USP47: variants seen among roughly 807,000 people sequenced by gnomAD.
USP47 encodes ubiquitin specific peptidase 47.
USP47 carries 35 observed loss-of-function variants against 165.1 expected under a neutral mutation model. The observed-to-expected ratio is 0.21, with a 90% CI of 0.16 to 0.28. The LOEUF (loss-of-function observed/expected upper bound fraction) is 0.28, where lower values mean the gene tolerates loss of function less well. Among genes scored for constraint, USP47 ranks in the 10% least tolerant of loss-of-function variants. The pLI, the probability that USP47 is intolerant of heterozygous loss-of-function variation, is 1.00. For missense variants in USP47, 1,277 were observed against 1,607.4 expected (o/e 0.79, Z 3.52); for synonymous variants, 531 against 544.5 (o/e 0.98, Z 0.35).
At chr11:11,904,258 A>G (rs2134459465) in intron 7 of USP47, among the ~76,000 whole-genome samples, 1 of 152,314 alleles carries the variant, frequency 6.6e-6, no homozygotes, top group East Asian at 1.9e-4. Context: ...TCCTAGGTGA[A>G]GAAGACAATC....
intron 23 of USP47, 85 bp from the exon 24 acceptor site, chr11:11,950,279 T>G: frequency 1.1e-6 from 1 of 950,200 alleles, no homozygotes; most frequent in Non-Finnish European, 1.6e-6. Flanking sequence ...ACATAGTTCA[T>G]TTTTCTTTGG....
At chr11:11,894,179 G>A (rs938497720) in intron 4 of USP47, among the ~76,000 whole-genome samples, 5 of 152,002 alleles carry the variant, frequency 3.3e-5, no homozygotes, top group Non-Finnish European at 7.4e-5. Context: ...GGTTCCAGCC[G>A]GGCACAGTGG....
intron 1 of USP47, among the ~76,000 whole-genome samples, chr11:11,846,039 A>G (rs950216475): frequency 6.6e-6 from 1 of 152,180 alleles, no homozygotes; most frequent in Non-Finnish European, 1.5e-5. Flanking sequence ...TCTTTTGGAC[A>G]TAATCTGGGG....
chr11:11,950,230 C>G, intron 23 of USP47, 134 bp from the exon 24 acceptor site: 1 of 729,646 alleles, frequency 1.4e-6, no homozygotes, highest in South Asian at 2.2e-5. Flanking sequence ...CTTTATTTCC[C>G]CAGATTTTAA....
Position 11,942,452 on chromosome 11 carries a change from C to A in USP47, c.2431C>A (p.Gln811Lys). The A allele has an allele frequency of 6.2e-7, 1 of 1,613,588 alleles. No individual in the cohort carries two copies. Among genetic ancestry groups the A allele is most frequent in the Non-Finnish European group, 8.5e-7 (1 of 1,179,714 alleles). Residue 811 changes from glutamine to lysine, a missense_variant, in exon 20 of 28, where the codon CAA (glutamine) becomes AAA (lysine). Around this residue, in one of 4 missense-constraint regions of USP47, gnomAD observed 909 missense variants for 1,068.1 expected, o/e 0.85. Transcript: ENST00000527733. ...TIRLFVLLPE[Q>K]SPVSYSKRTA... The stretch of plus-strand genomic sequence containing the variant: ...CAGATTATTTGTTTTGCTACCTGAA[C>A]AATCCCCAGTATCTTATTCCAAAAG...
intron 3 of USP47, among the ~76,000 whole-genome samples, chr11:11,887,818 A>G (rs1389400373): frequency 6.6e-6 from 1 of 152,178 alleles, no homozygotes; most frequent in Non-Finnish European, 1.5e-5. Flanking sequence ...CTGATCACAT[A>G]ATCAGAAGTA....
At chr11:11,888,223 A>G (rs1410767522) in intron 3 of USP47, among the ~76,000 whole-genome samples, 1 of 151,946 alleles carries the variant, frequency 6.6e-6, no homozygotes, top group Non-Finnish European at 1.5e-5. Context: ...CAGCACAGAA[A>G]TGAAGGAGAT....
chr11:11,913,939 T>C (rs1305068769), intron 8 of USP47, among the ~76,000 whole-genome samples: 1 of 152,076 alleles, frequency 6.6e-6, no homozygotes. Flanking sequence ...ACTGTACTTA[T>C]TAATTGGAAG....
intron 1 of USP47, among the ~76,000 whole-genome samples, chr11:11,871,539 G>A (rs199811693): frequency 0.12 from 7,437 of 64,640 alleles, 148 homozygotes; most frequent in Middle Eastern, 0.32. Context: ...AAAAAAAAAA[G>A]AATTCTGGTT....
At chr11:11,880,941 TAAA>T (rs1288446178) in intron 2 of USP47, among the ~76,000 whole-genome samples, 1 of 152,158 alleles carries the variant, frequency 6.6e-6, no homozygotes, top group Non-Finnish European at 1.5e-5. Flanking sequence ...CTCTTAAGCT[TAAA>T]AACATTTTTA....
At chr11:11,898,703 ATTAGAGT>A (rs1272688447) in intron 5 of USP47, among the ~76,000 whole-genome samples, 1 of 152,222 alleles carries the variant, frequency 6.6e-6, no homozygotes, top group Non-Finnish European at 1.5e-5. Context: ...GCCAAATACC[ATTAGAGT>A]TTAAAGAGAA....
At chr11:11,905,015 ATAGGT>A (rs1413416643) in intron 7 of USP47, among the ~76,000 whole-genome samples, 2 of 151,974 alleles carry the variant, frequency 1.3e-5, no homozygotes, top group Non-Finnish European at 2.9e-5. Flanking sequence ...GCTTAAAGTG[ATAGGT>A]TAGGATTTAC....
chr11:11,843,230 T>A lies in USP47; in HGVS notation c.39+1006T>A, dbSNP rs72856332. 8.3e-3 allele frequency among the ~76,000 whole-genome samples: 1,272 copies of A among 152,370 alleles called. 26 individuals are homozygous for A. Among genetic ancestry groups the A allele is most frequent in the Admixed American group, 0.039 (602 of 15,306 alleles). Reference sequence around the variant, plus strand: ...TGTTTTACTTGTTTTGTAGCAATTCTTTGTTACTTAAGCAAGCTCTGACAG... The same window carrying A: ...TGTTTTACTTGTTTTGTAGCAATTCATTGTTACTTAAGCAAGCTCTGACAG... On this transcript the variant is annotated intron_variant, in intron 1 of 27. Transcript: ENST00000527733.
At chr11:11,890,305 G>A (rs1851431730) in intron 3 of USP47, among the ~76,000 whole-genome samples, 1 of 152,040 alleles carries the variant, frequency 6.6e-6, no homozygotes, top group Non-Finnish European at 1.5e-5. Flanking sequence ...CTATCCACCT[G>A]ACAAAGGTCT....
At chr11:11,917,467 G>A (rs950260145) in intron 8 of USP47, among the ~76,000 whole-genome samples, 2 of 152,068 alleles carry the variant, frequency 1.3e-5, no homozygotes, top group Admixed American at 6.6e-5. Flanking sequence ...GTGGGAACAC[G>A]GGAACAGCAG....
intron 3 of USP47, among the ~76,000 whole-genome samples, chr11:11,887,814 A>C (rs1851260693): frequency 1.3e-5 from 2 of 152,208 alleles, no homozygotes; most frequent in Non-Finnish European, 2.9e-5. Context: ...AAAACTGATC[A>C]CATAATCAGA....
At chr11:11,902,010 G>C (rs1437465240) in intron 5 of USP47, among the ~76,000 whole-genome samples, 1 of 149,266 alleles carries the variant, frequency 6.7e-6, no homozygotes, top group Non-Finnish European at 1.5e-5. Flanking sequence ...CTCTTCACCA[G>C]TCATTCAGCT....
rs76535460 is a variant in USP47 at position 11,884,411 on chromosome 11, C to T, written c.244-56C>T. 5 of 1,265,652 alleles carry T rather than the reference C, an allele frequency of 4.0e-6. 1 individual carries two copies. Among genetic ancestry groups the T allele is most frequent in the Middle Eastern group, 3.9e-4 (2 of 5,106 alleles). The allele number at this position is 1,265,652 out of a possible 1,614,324, so 78.4% of individuals were successfully genotyped here. On this transcript the variant is annotated intron_variant, in intron 2 of 27. Transcript: ENST00000527733. ...TTAAATGTAGATATGTATCTATTTA[C>T]AGATTACTTATTTTATGTTTCTCAT...
intron 11 of USP47, among the ~76,000 whole-genome samples, chr11:11,929,041 A>G (rs948485341): frequency 6.6e-6 from 1 of 152,036 alleles, no homozygotes; most frequent in Non-Finnish European, 1.5e-5. Flanking sequence ...TTGTAAAGGA[A>G]ATAGAATTTG....
Sources: allele counts gnomAD v4.1 joint callset (sites outside exome capture counted in the v4.1 genomes callset), GRCh38; gene constraint gnomAD v4.1.1; regional missense constraint gnomAD v4.1.1; transcripts MANE v1.5; gene names NCBI Gene and HGNC (gene_info 2026-07-23, HGNC 2026-07-21).